Variants in PEAK1 observed in about 807,000 individuals in gnomAD.
The protein encoded by PEAK1 is inactive tyrosine-protein kinase PEAK1.
In PEAK1, 54 loss-of-function variants were observed where a neutral mutation model predicts 124.7. The ratio of observed to expected loss-of-function variants is 0.43; its 90% CI spans 0.35 to 0.54. The LOEUF (loss-of-function observed/expected upper bound fraction) is 0.54. Among genes scored for constraint, PEAK1 ranks in the 20% least tolerant of loss-of-function variants. The pLI is 0.01. For missense variants in PEAK1, 2,046 were observed against 2,134.5 expected (o/e 0.96, Z 0.82); for synonymous variants, 719 against 760.0 (o/e 0.95, Z 0.89).
rs964174134 is a variant in PEAK1 at position 77,403,334 on chromosome 15, G to T, written c.-666+16672C>A. The T allele has an allele frequency of 7.5e-6, 7 of 938,250 alleles. No individual in the cohort carries two copies. In the African/African-American group the frequency reaches 1.2e-4, roughly 17 times the overall value. 58.1% of individuals were successfully genotyped at this position (938,250 alleles called of 1,614,324 possible). A position where few individuals can be genotyped will look rare whatever the true frequency, so the allele number is the denominator to read the frequency against. On this transcript the variant is annotated intron_variant, in intron 1 of 9. Transcript: ENST00000682557. ...GCTAAACATGTTTTAAAATAAGATA[G>T]TAACATATTTTTAGAAATATATTTA...
chr15:77,363,768 T>C (rs934767084), intron 2 of PEAK1, among the ~76,000 whole-genome samples: 16 of 152,150 alleles, frequency 1.1e-4, no homozygotes, highest in African/African-American at 3.9e-4. Flanking sequence ...AAAAACTTTA[T>C]GTTAAATGAA....
rs2051239176 is a variant in PEAK1 at position 77,115,087 on chromosome 15, C to T, written c.4310G>A (p.Cys1437Tyr). 1.9e-6 allele frequency: 3 copies of T among 1,614,128 alleles called. No individual in the cohort carries two copies. Among genetic ancestry groups the T allele is most frequent in the South Asian group, 2.2e-5 (2 of 91,082 alleles). Residue 1437 changes from cysteine (C) to tyrosine (Y), a missense_variant, in exon 10 of 10, where the codon TGT (cysteine) becomes TAT (tyrosine). By Grantham distance (194) the Cys-to-Tyr change is radical. Coordinates refer to ENST00000682557, the MANE Select transcript of PEAK1 (RefSeq NM_001385026.1). ...GETDGKNPKP[C>Y]SEAASSQKEN... is the part of the protein sequence containing the mutation. The stretch of plus-strand genomic sequence containing the variant: ...TTTCTGGGATGATGCTGCTTCAGAA[C>T]AGGGCTTTGGGTTTTTCCCATCCGT...
chr15:77,397,493 A>G (rs558940666), intron 1 of PEAK1, among the ~76,000 whole-genome samples: 11 of 152,064 alleles, frequency 7.2e-5, no homozygotes, highest in Non-Finnish European at 1.5e-4. Flanking sequence ...AAAAAAATCA[A>G]TGAAATGAAA....
intron 6 of PEAK1, among the ~76,000 whole-genome samples, chr15:77,189,319 G>A (rs1443027942): frequency 6.6e-6 from 1 of 152,198 alleles, no homozygotes; most frequent in African/African-American, 2.4e-5. Flanking sequence ...CACATAGCTA[G>A]TAAATGGCAG....
chr15:77,344,385 C>T (rs151071359), intron 2 of PEAK1, among the ~76,000 whole-genome samples: 285 of 152,282 alleles, frequency 1.9e-3, no homozygotes, highest in African/African-American at 6.6e-3. Context: ...TGAGCCACCA[C>T]GCCTGGCCGG....
intron 6 of PEAK1, among the ~76,000 whole-genome samples, chr15:77,185,564 A>G (rs1389993355): frequency 6.6e-6 from 1 of 152,236 alleles, no homozygotes; most frequent in African/African-American, 2.4e-5. Context: ...ACTTGGCAAC[A>G]TGAGCTCATC....
chr15:77,202,661 T>A (rs1163239534), intron 6 of PEAK1, among the ~76,000 whole-genome samples: 1 of 150,368 alleles, frequency 6.7e-6, no homozygotes, highest in Non-Finnish European at 1.5e-5. Context: ...TCCCAGCTAC[T>A]CAGGAGGCTG....
intron 6 of PEAK1, among the ~76,000 whole-genome samples, chr15:77,225,461 T>C (rs148708881): frequency 1.5e-4 from 23 of 151,908 alleles, no homozygotes; most frequent in African/African-American, 5.3e-4. Flanking sequence ...TTGCAACTGC[T>C]TGGAGTCAAA....
At chr15:77,188,021 G>A (rs1046454376) in intron 6 of PEAK1, among the ~76,000 whole-genome samples, 2 of 152,122 alleles carry the variant, frequency 1.3e-5, no homozygotes, top group African/African-American at 4.8e-5. Context: ...TGACTAAAAG[G>A]GTGGGGAGAG....
intron 2 of PEAK1, among the ~76,000 whole-genome samples, chr15:77,322,814 G>A (rs2065310984): frequency 6.6e-6 from 1 of 152,132 alleles, no homozygotes; most frequent in African/African-American, 2.4e-5. Context: ...AAGCCTGGCA[G>A]AGACACAACA....
At chr15:77,415,755 T>C (rs2072826867) in intron 1 of PEAK1, among the ~76,000 whole-genome samples, 1 of 152,178 alleles carries the variant, frequency 6.6e-6, no homozygotes, top group Admixed American at 6.5e-5. Context: ...GACCAACTTC[T>C]CTGCCTACGC....
intron 9 of PEAK1, among the ~76,000 whole-genome samples, chr15:77,122,514 A>C (rs996966235): frequency 1.3e-5 from 2 of 152,194 alleles, no homozygotes; most frequent in Non-Finnish European, 2.9e-5. Context: ...GAATTCAATT[A>C]ACTTGAATTC....
intron 1 of PEAK1, among the ~76,000 whole-genome samples, chr15:77,383,504 T>A (rs1196498051): frequency 6.6e-6 from 1 of 152,200 alleles, no homozygotes; most frequent in Non-Finnish European, 1.5e-5. Flanking sequence ...TTGTCAGAAC[T>A]CTGTTCAAAA....
chr15:77,270,553 T>C (rs889882184), intron 5 of PEAK1, among the ~76,000 whole-genome samples: 1 of 152,094 alleles, frequency 6.6e-6, no homozygotes, highest in Non-Finnish European at 1.5e-5. Context: ...ATAAAATACC[T>C]AGGAATCCAA....
At chr15:77,384,456 T>C in intron 1 of PEAK1, among the ~76,000 whole-genome samples, 1 of 152,220 alleles carries the variant, frequency 6.6e-6, no homozygotes, top group Admixed American at 6.5e-5. Context: ...ATTTATCATT[T>C]TTAAATGTAC....
At chr15:77,267,466 C>T (rs2061797741) in intron 5 of PEAK1, among the ~76,000 whole-genome samples, 1 of 152,094 alleles carries the variant, frequency 6.6e-6, no homozygotes, top group African/African-American at 2.4e-5. Flanking sequence ...CACTTCATGC[C>T]CCTGCTACCT....
In PEAK1 at chr15:77,315,242, T is replaced by C. The variant is rs558212125; in HGVS notation, c.-602-28738A>G. 1.2e-4 allele frequency among the ~76,000 whole-genome samples: 19 copies of C among 152,326 alleles called. No individual in the cohort carries two copies. In the East Asian group the frequency reaches 3.7e-3, roughly 29 times the overall value. On this transcript the variant is annotated intron_variant, in intron 2 of 9. Transcript: ENST00000682557. ...CTGATGCCATAAATACAAGATTCTC[T>C]GATACTTTCATTTAATATATCAATA...
intron 6 of PEAK1, among the ~76,000 whole-genome samples, chr15:77,198,905 G>A (rs12916825): frequency 2.0e-5 from 3 of 152,172 alleles, no homozygotes; most frequent in African/African-American, 7.2e-5. Context: ...ATTGAGGAAG[G>A]ATATCTGCCT....
chr15:77,375,791 C>T (rs1189651923), intron 1 of PEAK1, among the ~76,000 whole-genome samples: 5 of 151,962 alleles, frequency 3.3e-5, no homozygotes, highest in Admixed American at 6.6e-5. Context: ...GTCAGGAGAT[C>T]GAGACCATCC....
Sources: allele counts gnomAD v4.1 joint callset (sites outside exome capture counted in the v4.1 genomes callset), GRCh38; gene constraint gnomAD v4.1.1; transcripts MANE v1.5; gene names NCBI Gene and HGNC (gene_info 2026-07-23, HGNC 2026-07-21).